The following GBF1 variants were observed in gnomAD, a reference collection of about 807,000 sequenced individuals.
The protein encoded by GBF1 is Golgi-specific brefeldin A-resistance guanine nucleotide exchange factor 1.
Under a neutral mutation model 210.5 loss-of-function variants are expected in GBF1, and 114 were observed. The observed-to-expected ratio is 0.54, with a 90% CI of 0.47 to 0.63. The LOEUF (loss-of-function observed/expected upper bound fraction) is 0.63. Among genes scored for constraint, GBF1 ranks in the 30% least tolerant of loss-of-function variants. The pLI is 0.00. For missense variants in GBF1, 1,851 were observed against 2,357.7 expected (o/e 0.79, Z 4.45); for synonymous variants, 850 against 889.2 (o/e 0.96, Z 0.78).
chr10:102,323,239 G>GAAAAAAAAAAAAA (rs775888621), intron 3 of GBF1, among the ~76,000 whole-genome samples: 5 of 65,790 alleles, frequency 7.6e-5, no homozygotes, highest in Non-Finnish European at 1.1e-4. Flanking sequence ...CTCCAAAATT[G>GAAAAAAAAAAAAA]AAAAAAAAAA....
At chr10:102,286,467 G>A (rs539547218) in intron 3 of GBF1, among the ~76,000 whole-genome samples, 4 of 152,324 alleles carry the variant, frequency 2.6e-5, no homozygotes, top group African/African-American at 9.6e-5. Flanking sequence ...ACACACAGGA[G>A]CCAAATGGTA....
In GBF1 at chr10:102,358,958, A is replaced by C. The variant is rs1264659947; in HGVS notation, c.1011+229A>C. The C allele has an allele frequency of 2.2e-5, 13 of 592,386 alleles. No individual in the cohort carries two copies. In the East Asian group the frequency reaches 3.1e-4, roughly 14 times the overall value. The allele number at this position is 592,386 out of a possible 1,614,324, so 36.7% of individuals were successfully genotyped here. Reference sequence around the variant, plus strand: ...TTATCAAGTTATGCATATAGGTAGTACTTGACAAAAGGGAAGGAGCTGGCC... The same window carrying C: ...TTATCAAGTTATGCATATAGGTAGTCCTTGACAAAAGGGAAGGAGCTGGCC... On this transcript the variant is annotated intron_variant, in intron 10 of 39. Transcript: ENST00000369983.
intron 33 of GBF1, among the ~76,000 whole-genome samples, chr10:102,377,948 G>A (rs1443439446): frequency 1.3e-5 from 2 of 152,118 alleles, no homozygotes; most frequent in Non-Finnish European, 2.9e-5. Context: ...GGCTGGGCTT[G>A]GTGGCTCCTG....
At position 102,370,041 on chromosome 10, in the gene GBF1, C is replaced by G. The variant is rs1333423528; in HGVS notation, c.3339+57C>G. 4 of 1,595,236 alleles carry G rather than the reference C, an allele frequency of 2.5e-6. No homozygotes were observed. In the Admixed American group the frequency reaches 5.0e-5, roughly 20 times the overall value. On this transcript the variant is annotated intron_variant, in intron 26 of 39. Coordinates refer to ENST00000369983, the MANE Select transcript of GBF1 (RefSeq NM_001377137.1). Reference sequence around the variant, plus strand: ...CTAAACACCTTCCTATTAGATGCTACTTGGTGAACTGAAGAATAAATCATC... The same window carrying G: ...CTAAACACCTTCCTATTAGATGCTAGTTGGTGAACTGAAGAATAAATCATC...
At chr10:102,295,475 T>C (rs984092264) in intron 3 of GBF1, among the ~76,000 whole-genome samples, 4 of 152,212 alleles carry the variant, frequency 2.6e-5, no homozygotes, top group Non-Finnish European at 4.4e-5. Context: ...CTAAAATTTT[T>C]ATATTAAAGC....
chr10:102,362,214 G>A (rs1228550643), intron 14 of GBF1, among the ~76,000 whole-genome samples: 2 of 151,204 alleles, frequency 1.3e-5, no homozygotes, highest in Non-Finnish European at 2.9e-5. Context: ...CCACCACCAC[G>A]CCCGGCTAAT....
In GBF1 at chr10:102,268,972, C is replaced by T. The variant is rs1184147468; in HGVS notation, c.163+8856C>T. On this transcript the variant is annotated intron_variant, in intron 3 of 39. Coordinates refer to ENST00000369983, the MANE Select transcript of GBF1 (RefSeq NM_001377137.1). ...GATGGAGAGCAATGACTACTTTAGG[C>T]TCTCAGTTTTACTCTAGGAAACCAG... 5.9e-5 allele frequency among the ~76,000 whole-genome samples: 9 copies of T among 152,316 alleles called. No homozygotes were observed. The East Asian group carries it at 1.5e-3, about 26-fold the overall frequency.
At position 102,375,433 on chromosome 10, in the gene GBF1, T is replaced by C; in HGVS notation, c.3735T>C (p.Tyr1245=). 1 of 1,613,984 alleles carries C rather than the reference T, an allele frequency of 6.2e-7. No homozygotes were observed. Among genetic ancestry groups the C allele is most frequent in the South Asian group, 1.1e-5 (1 of 91,080 alleles). Residue 1245 remains tyrosine (Y), a synonymous_variant, in exon 30 of 40, where the codon TAT becomes TAC. Transcript: ENST00000369983. ...CCCGAGTCAGCCACCAGGTTGCGTA[T>C]GGGCTCCATGAACTCCTGAAGACCA... ...VLSRVSHQVA[Y]GLHELLKTNA...
chr10:102,306,116 C>G (rs745871557), intron 3 of GBF1, among the ~76,000 whole-genome samples: 1 of 152,164 alleles, frequency 6.6e-6, no homozygotes. Context: ...TGGGCTTTAT[C>G]ATAATTAGCT....
intron 6 of GBF1, 37 bp from the exon 7 acceptor site, chr10:102,352,421 G>T (rs1264463956): frequency 2.1e-6 from 3 of 1,413,714 alleles, no homozygotes; most frequent in Admixed American, 3.3e-5. Context: ...AGCACAGCAA[G>T]TAATGACACC....
intron 3 of GBF1, among the ~76,000 whole-genome samples, chr10:102,325,550 C>CAA (rs140406517): frequency 0.034 from 3,306 of 96,206 alleles, 151 homozygotes; most frequent in African/African-American, 0.13. Context: ...GACTCCGTCT[C>CAA]AAAAAAAAAA....
At chr10:102,247,302 G>T (rs1410306643) in intron 1 of GBF1, among the ~76,000 whole-genome samples, 1 of 152,146 alleles carries the variant, frequency 6.6e-6, no homozygotes, top group East Asian at 1.9e-4. Context: ...GTTGGGAGAA[G>T]GGGGATGGCA....
intron 3 of GBF1, among the ~76,000 whole-genome samples, chr10:102,322,718 C>CAAAAA (rs61470777): frequency 3.7e-5 from 3 of 80,480 alleles, no homozygotes; most frequent in Non-Finnish European, 6.7e-5. Context: ...CTCATCTCTA[C>CAAAAA]AAAAAAAAAA....
At chr10:102,326,465 TC>T (rs923545609) in intron 3 of GBF1, among the ~76,000 whole-genome samples, 6 of 152,152 alleles carry the variant, frequency 3.9e-5, no homozygotes, top group African/African-American at 1.4e-4. Context: ...TTCTTCATTC[TC>T]CCAAATAATA....
chr10:102,249,470 A>G (rs186865728), intron 1 of GBF1, among the ~76,000 whole-genome samples: 2 of 152,298 alleles, frequency 1.3e-5, no homozygotes, highest in East Asian at 1.9e-4. Context: ...TCACCCGATT[A>G]TCAGGTCTGG....
In GBF1 at chr10:102,346,323, T is replaced by G. The variant is rs183305779; in HGVS notation, c.295+2141T>G. 3.6e-3 allele frequency among the ~76,000 whole-genome samples: 549 copies of G among 152,234 alleles called. 4 individuals are homozygous for G. Among genetic ancestry groups the G allele is most frequent in the African/African-American group, 0.012 (519 of 41,550 alleles). ...CTCTTGTATGAAAGATTTCTGAACT[T>G]GGAATTTCTGGATTAAAGACCACGT... On this transcript the variant is annotated intron_variant, in intron 4 of 39. Transcript: ENST00000369983.
At chr10:102,264,114 C>T (rs772030) in intron 3 of GBF1, among the ~76,000 whole-genome samples, 60,577 of 152,018 alleles carry the variant, frequency 0.4, 12,145 homozygotes, top group South Asian at 0.51. Context: ...ATACAAGAAA[C>T]CACTGAATTG....
In GBF1 at chr10:102,368,721, TG is replaced by T; in HGVS notation, c.2880-12del. On this transcript the variant is annotated splice_polypyrimidine_tract_variant and intron_variant, in intron 22 of 39. Transcript: ENST00000369983. ...CCTTCCAGTGACTCTGTTTCTGGGA[TG>T]GGGGGTAACATTACAGGAAGTGCGC... The T allele has an allele frequency of 1.3e-6, 2 of 1,577,376 alleles. No individual in the cohort carries two copies. The highest frequency in any genetic ancestry group is 1.7e-6 in the Non-Finnish European group (2 of 1,146,972).
At chr10:102,283,173 C>T (rs1353998770) in intron 3 of GBF1, among the ~76,000 whole-genome samples, 2 of 152,168 alleles carry the variant, frequency 1.3e-5, no homozygotes, top group South Asian at 2.1e-4. Flanking sequence ...AGAGGGTAGG[C>T]AGTTTATTGA....
Sources: allele counts gnomAD v4.1 joint callset (sites outside exome capture counted in the v4.1 genomes callset), GRCh38; gene constraint gnomAD v4.1.1; transcripts MANE v1.5; gene names NCBI Gene and HGNC (gene_info 2026-07-23, HGNC 2026-07-21).